RNF180: variants seen among roughly 807,000 people sequenced by gnomAD.
The protein encoded by RNF180 is E3 ubiquitin-protein ligase RNF180.
In RNF180, 38 loss-of-function variants were observed where a neutral mutation model predicts 59.2. The observed-to-expected ratio is 0.64, with a 90% CI of 0.50 to 0.84. The LOEUF (loss-of-function observed/expected upper bound fraction) is 0.84, where lower values mean the gene tolerates loss of function less well. Among genes scored for constraint, RNF180 ranks in the 40% least tolerant of loss-of-function variants. The pLI, the probability that RNF180 is intolerant of heterozygous loss-of-function variation, is 0.00. For synonymous variants in RNF180, 262 were observed against 240.3 expected (o/e 1.09, Z -0.84); for missense variants, 705 against 700.9 (o/e 1.01, Z -0.07).
At chr5:64,283,264 T>C (rs541494364) in intron 5 of RNF180, among the ~76,000 whole-genome samples, 8 of 152,328 alleles carry the variant, frequency 5.3e-5, no homozygotes, top group Middle Eastern at 3.4e-3. Context: ...CTTATCTTTT[T>C]TGATTGTTGT....
intron 7 of RNF180, among the ~76,000 whole-genome samples, chr5:64,335,210 T>C (rs1334583258): frequency 6.6e-6 from 1 of 152,166 alleles, no homozygotes; most frequent in African/African-American, 2.4e-5. Context: ...TTTTTTGTTG[T>C]TTAAGAATGT....
chr5:64,352,747 AT>A (rs1277167539), intron 7 of RNF180, among the ~76,000 whole-genome samples: 7 of 151,984 alleles, frequency 4.6e-5, no homozygotes, highest in Non-Finnish European at 2.9e-5. Flanking sequence ...TTTGTTTGGA[AT>A]TTTTTGATAT....
In RNF180 at chr5:64,325,020, T is replaced by TA. The variant is rs770698423; in HGVS notation, c.1228-165dup. 2.6e-5 allele frequency among the ~76,000 whole-genome samples: 4 copies of TA among 152,350 alleles called. No homozygotes were observed. The East Asian group carries it at 7.7e-4, about 29-fold the overall frequency. On this transcript the variant is annotated intron_variant, in intron 5 of 7. Coordinates refer to ENST00000389100, the MANE Select transcript of RNF180 (RefSeq NM_001113561.2). ...AAATAGGCTTCTGGGTTTTCATGTA[T>TA]ATTTTTAGTTTCTTGACTTTGAAAG...
rs764330755 is a variant in RNF180 at position 64,213,929 on chromosome 5, A to C, written c.603A>C (p.Lys201Asn). ...FEMKNEKLLS[K>N]ASEPKYQLFV... Reference sequence around the variant, plus strand: ...TGAAGAACGAAAAACTGCTGTCCAAAGCATCAGAACCAAAATACCAGCTTT... The same window carrying C: ...TGAAGAACGAAAAACTGCTGTCCAACGCATCAGAACCAAAATACCAGCTTT... The change falls in exon 4 of 8, where the codon AAA (lysine) becomes AAC (asparagine). Residue 201 changes from lysine (K) to asparagine (N), a missense_variant. Transcript: ENST00000389100. 1.2e-6 allele frequency: 2 copies of C among 1,614,122 alleles called. No individual in the cohort carries two copies. The highest frequency in any genetic ancestry group is 3.3e-4 in the Middle Eastern group (2 of 6,062).
At chr5:64,186,212 C>T (rs1370085339) in intron 1 of RNF180, among the ~76,000 whole-genome samples, 1 of 152,126 alleles carries the variant, frequency 6.6e-6, no homozygotes, top group Non-Finnish European at 1.5e-5. Context: ...CTTGTCTGTG[C>T]AGCCACCTTT....
chr5:64,216,257 T>A (rs1752619028), intron 4 of RNF180, among the ~76,000 whole-genome samples: 4 of 152,148 alleles, frequency 2.6e-5, no homozygotes, highest in Non-Finnish European at 5.9e-5. Context: ...AGAACCAGAA[T>A]AATTACAATT....
intron 5 of RNF180, among the ~76,000 whole-genome samples, chr5:64,259,541 T>C (rs1275096826): frequency 6.6e-6 from 1 of 152,210 alleles, no homozygotes; most frequent in African/African-American, 2.4e-5. Flanking sequence ...GACTTACTCC[T>C]ATTGTCTGAA....
chr5:64,289,459 A>G (rs1742460219), intron 5 of RNF180, among the ~76,000 whole-genome samples: 1 of 152,180 alleles, frequency 6.6e-6, no homozygotes, highest in Non-Finnish European at 1.5e-5. Flanking sequence ...TAGTTTTAGT[A>G]TAAATAGTAC....
intron 5 of RNF180, among the ~76,000 whole-genome samples, chr5:64,275,284 T>C (rs1160826738): frequency 6.8e-6 from 1 of 147,168 alleles, no homozygotes; most frequent in Non-Finnish European, 1.5e-5. Flanking sequence ...ATATGAAAAA[T>C]AAGAATAAGA....
intron 7 of RNF180, among the ~76,000 whole-genome samples, chr5:64,338,512 G>T (rs181918183): frequency 9.2e-5 from 14 of 152,042 alleles, no homozygotes; most frequent in Non-Finnish European, 1.8e-4. Flanking sequence ...GCGGGTGCCT[G>T]TAGTCCCAGC....
chr5:64,327,640 T>C (rs1281467170), intron 6 of RNF180, among the ~76,000 whole-genome samples: 2 of 151,162 alleles, frequency 1.3e-5, no homozygotes, highest in African/African-American at 4.8e-5. Flanking sequence ...AATAAGCTAT[T>C]TGACATAACT....
intron 7 of RNF180, among the ~76,000 whole-genome samples, chr5:64,340,451 C>T (rs1745313136): frequency 6.6e-6 from 1 of 152,162 alleles, no homozygotes; most frequent in Non-Finnish European, 1.5e-5. Flanking sequence ...TTTAAACATG[C>T]TCAGTATAAA....
chr5:64,255,769 C>T (rs1240502603), intron 5 of RNF180, among the ~76,000 whole-genome samples: 3 of 152,194 alleles, frequency 2.0e-5, no homozygotes, highest in African/African-American at 7.2e-5. Context: ...CCTGAGGAAT[C>T]GCCACACTGT....
At chr5:64,225,262 T>C (rs1434693858) in intron 5 of RNF180, among the ~76,000 whole-genome samples, 1 of 152,220 alleles carries the variant, frequency 6.6e-6, no homozygotes, top group Non-Finnish European at 1.5e-5. Flanking sequence ...AACTATCTTT[T>C]TTTCATTCTA....
intron 5 of RNF180, among the ~76,000 whole-genome samples, chr5:64,224,711 G>A (rs1004001822): frequency 6.6e-5 from 10 of 152,212 alleles, no homozygotes; most frequent in African/African-American, 2.4e-4. Flanking sequence ...CAGCAAAGAT[G>A]CATGCTGTCT....
rs1429314207 is a variant in RNF180 at position 64,214,223 on chromosome 5, C to G, written c.897C>G (p.Pro299=). ...SMLLQRFSVA[P]HETQTQRGGE... is the part of the protein sequence containing the mutation. ...TGCTGCAAAGATTTTCAGTGGCCCC[C>G]CATGAGACCCAGACACAAAGAGGAG... Residue 299 remains proline (P), a synonymous_variant, in exon 4 of 8, where the codon CCC becomes CCG. Transcript: ENST00000389100. 3.1e-6 allele frequency: 5 copies of G among 1,613,920 alleles called. No homozygotes were observed. Among genetic ancestry groups the G allele is most frequent in the Non-Finnish European group, 4.2e-6 (5 of 1,180,002 alleles).
intron 6 of RNF180, among the ~76,000 whole-genome samples, chr5:64,325,933 A>G (rs1362519298): frequency 1.3e-5 from 2 of 152,204 alleles, no homozygotes; most frequent in African/African-American, 4.8e-5. Flanking sequence ...CCTAATTTTC[A>G]TATAAAGATG....
At chr5:64,343,052 T>C (rs766296612) in intron 7 of RNF180, among the ~76,000 whole-genome samples, 16 of 152,246 alleles carry the variant, frequency 1.1e-4, no homozygotes, top group South Asian at 1.0e-3. Context: ...GAGGGAAATA[T>C]CAACTTCAGT....
intron 7 of RNF180, among the ~76,000 whole-genome samples, chr5:64,334,585 T>G (rs1184448819): frequency 5.9e-5 from 9 of 152,198 alleles, no homozygotes; most frequent in Non-Finnish European, 1.3e-4. Flanking sequence ...GAATTTTGTA[T>G]TTATCATTTC....
Sources: allele counts gnomAD v4.1 joint callset (sites outside exome capture counted in the v4.1 genomes callset), GRCh38; gene constraint gnomAD v4.1.1; transcripts MANE v1.5; gene names NCBI Gene and HGNC (gene_info 2026-07-23, HGNC 2026-07-21).